The following JAK2 variants were observed in gnomAD, a reference collection of about 807,000 sequenced individuals.
The protein encoded by JAK2 is Janus kinase 2, also known as tyrosine-protein kinase JAK2.
In JAK2, 86 loss-of-function variants were observed where a neutral mutation model predicts 139.3. The observed-to-expected ratio is 0.62, with a 90% CI of 0.52 to 0.74. The LOEUF (loss-of-function observed/expected upper bound fraction) is 0.74. JAK2 is among the 30% of genes least tolerant of loss of function. The pLI is 0.00. For synonymous variants in JAK2, 490 were observed against 437.7 expected (o/e 1.12, Z -1.49); for missense variants, 1,421 against 1,360.3 (o/e 1.04, Z -0.70).
chr9:5,030,946 T>G (rs944590992), intron 4 of JAK2, among the ~76,000 whole-genome samples: 2 of 152,140 alleles, frequency 1.3e-5, no homozygotes, highest in African/African-American at 4.8e-5. Context: ...CATTCTTATA[T>G]GCAAGCAACC....
At chr9:5,033,782 A>T (rs1206041537) in intron 4 of JAK2, among the ~76,000 whole-genome samples, 2 of 152,210 alleles carry the variant, frequency 1.3e-5, no homozygotes, top group African/African-American at 4.8e-5. Context: ...GCCACTGCAA[A>T]AACACGCCAA....
In JAK2 at chr9:5,054,486, C is replaced by T; in HGVS notation, c.615-77C>T. The T allele has an allele frequency of 1.6e-6, 2 of 1,284,768 alleles. No individual in the cohort carries two copies. Among genetic ancestry groups the T allele is most frequent in the Non-Finnish European group, 2.2e-6 (2 of 925,812 alleles). The allele number at this position is 1,284,768 out of a possible 1,614,324, so 79.6% of individuals were successfully genotyped here. On this transcript the variant is annotated intron_variant, in intron 6 of 24. Transcript: ENST00000381652. This position sits in a 1 kb window ranked among gnomAD's most constrained non-coding sequence, Gnocchi z 4.9. ...ACTTAATCATGGAAAAAGGTGGTAA[C>T]TTCTTTTTCAATTTTTAGATTTATC...
chr9:5,118,329 A>T (rs1386078725), intron 22 of JAK2, among the ~76,000 whole-genome samples: 1 of 152,106 alleles, frequency 6.6e-6, no homozygotes, highest in African/African-American at 2.4e-5. Context: ...AATATGTTAC[A>T]CTTTGTATTT....
intron 4 of JAK2, among the ~76,000 whole-genome samples, chr9:5,035,479 C>A (rs1332413402): frequency 2.0e-5 from 3 of 152,150 alleles, no homozygotes; most frequent in Admixed American, 6.5e-5. Flanking sequence ...ATGCAAAAAT[C>A]CTCAACAAAA....
rs574820223 is a variant in JAK2 at position 5,030,128 on chromosome 9, G to C, written c.350+222G>C. 1.1e-4 allele frequency among the ~76,000 whole-genome samples: 16 copies of C among 152,234 alleles called. 1 individual carries two copies. The highest frequency in any genetic ancestry group is 3.6e-4 in the African/African-American group (15 of 41,552). On this transcript the variant is annotated intron_variant, in intron 4 of 24. Coordinates refer to ENST00000381652, the MANE Select transcript of JAK2 (RefSeq NM_004972.4). ...TCTGAGAATAAAGCTGTTTTGGTGG[G>C]ATGCCACTTAACTCCTTATGATTAT...
intron 3 of JAK2, among the ~76,000 whole-genome samples, chr9:5,028,807 C>T (rs939266673): frequency 2.6e-5 from 4 of 152,190 alleles, no homozygotes; most frequent in Non-Finnish European, 4.4e-5. Context: ...CCTCTCTCAG[C>T]CTTCACAGGT....
At chr9:5,015,239 G>A (rs1052895446) in intron 2 of JAK2, among the ~76,000 whole-genome samples, 2 of 152,158 alleles carry the variant, frequency 1.3e-5, no homozygotes, top group African/African-American at 2.4e-5. Flanking sequence ...GAATATTCTT[G>A]TAATGTGTCT....
intron 22 of JAK2, among the ~76,000 whole-genome samples, chr9:5,118,090 A>C (rs534786590): frequency 1.3e-5 from 2 of 152,192 alleles, no homozygotes; most frequent in Non-Finnish European, 2.9e-5. Context: ...ACTGAATCTA[A>C]ATAGTGCTTG....
rs1461611000 is a variant in JAK2 at position 5,127,614 on chromosome 9, T to A, written c.*823T>A. 1 of 231,864 alleles carries A rather than the reference T, an allele frequency of 4.3e-6. No homozygotes were observed. The highest frequency in any genetic ancestry group is 8.6e-6 in the Non-Finnish European group (1 of 116,814). The allele number at this position is 231,864 out of a possible 1,614,324, so 14.4% of individuals were successfully genotyped here. A position where few individuals can be genotyped will look rare whatever the true frequency, so the allele number is the denominator to read the frequency against. On this transcript the variant is annotated 3_prime_UTR_variant, in exon 25 of 25. Transcript: ENST00000381652. ...CTAAGACTACTATGAACAGTTTTCT[T>A]TTAAAATTTTGAGATTAAGAATGCC... is the stretch of plus-strand genomic sequence containing the variant.
chr9:5,035,933 G>A (rs1312424171), intron 4 of JAK2, among the ~76,000 whole-genome samples: 1 of 152,208 alleles, frequency 6.6e-6, no homozygotes, highest in African/African-American at 2.4e-5. Context: ...AAAAGAGGAA[G>A]TCAAATTGTC....
intron 22 of JAK2, among the ~76,000 whole-genome samples, chr9:5,106,895 G>C (rs187682346): frequency 6.6e-6 from 1 of 152,042 alleles, no homozygotes; most frequent in Non-Finnish European, 1.5e-5. Flanking sequence ...AAAGGGGCCC[G>C]GGGGAGGGAT....
chr9:5,089,874 C>G lies in JAK2; in HGVS notation c.2761+11C>G. On this transcript the variant is annotated intron_variant, in intron 20 of 24. Coordinates refer to ENST00000381652, the MANE Select transcript of JAK2 (RefSeq NM_004972.4). ...TGTGCTACAGTGCTGGTAAGCTGCC[C>G]ATTGAAACCTATTTTAAATTCAAGG... 7.0e-7 allele frequency: 1 copy of G among 1,438,558 alleles called. No homozygotes were observed. 89.1% of individuals were successfully genotyped at this position (1,438,558 alleles called of 1,614,324 possible). A position where few individuals can be genotyped will look rare whatever the true frequency, so the allele number is the denominator to read the frequency against.
At chr9:5,125,134 A>C (rs934843172) in intron 23 of JAK2, among the ~76,000 whole-genome samples, 1 of 151,326 alleles carries the variant, frequency 6.6e-6, no homozygotes, top group Non-Finnish European at 1.5e-5. Flanking sequence ...TCTCTAATGC[A>C]ATTACTCAGA....
At chr9:5,111,061 G>C (rs1458095479) in intron 22 of JAK2, 4 of 1,148,740 alleles carry the variant, frequency 3.5e-6, no homozygotes, top group Admixed American at 2.0e-5. Flanking sequence ...TTCAGGTCTT[G>C]AGAACTGGCC....
In JAK2 at chr9:5,031,136, A is replaced by G. The variant is rs551575633; in HGVS notation, c.350+1230A>G. Among the ~76,000 whole-genome samples, 458 of 152,310 alleles carry G rather than the reference A, an allele frequency of 3.0e-3. 1 individual carries two copies. The highest frequency in any genetic ancestry group is 0.011 in the African/African-American group (439 of 41,592). ...GGGAGATGGAATATTACAAAGATCAATTTCTCTTATGCTATATCCTTAGCT... is the reference window on the plus strand; with the variant it reads ...GGGAGATGGAATATTACAAAGATCAGTTTCTCTTATGCTATATCCTTAGCT... On this transcript the variant is annotated intron_variant, in intron 4 of 24. Coordinates refer to ENST00000381652, the MANE Select transcript of JAK2 (RefSeq NM_004972.4).
chr9:5,120,634 A>AT (rs1420633689), intron 22 of JAK2, among the ~76,000 whole-genome samples: 1 of 152,174 alleles, frequency 6.6e-6, no homozygotes, highest in Non-Finnish European at 1.5e-5. Context: ...AGAAGTACCC[A>AT]TTGGATGATC....
Position 5,105,994 on chromosome 9 carries a change from T to C in JAK2, c.3059+15083T>C, listed in dbSNP as rs1333501793. Among the ~76,000 whole-genome samples, 7 of 88,198 alleles carry C rather than the reference T, an allele frequency of 7.9e-5. No individual in the cohort carries two copies. In the South Asian group the frequency reaches 2.1e-3, roughly 26 times the overall value. The allele number at this position is 88,198 out of a possible 152,430, so 57.9% of individuals were successfully genotyped here. A position where few individuals can be genotyped will look rare whatever the true frequency, so the allele number is the denominator to read the frequency against. On this transcript the variant is annotated intron_variant, in intron 22 of 24. Coordinates refer to ENST00000381652, the MANE Select transcript of JAK2 (RefSeq NM_004972.4). ...AGCCTAGGCAATACCATTCAGGACA[T>C]AGGTGTGGGCAAGGACTTCATGATG...
At chr9:5,036,022 CT>C (rs1823571222) in intron 4 of JAK2, among the ~76,000 whole-genome samples, 1 of 152,220 alleles carries the variant, frequency 6.6e-6, no homozygotes, top group Non-Finnish European at 1.5e-5. Flanking sequence ...TGATAAGCAA[CT>C]TCAGCAAAGT....
intron 3 of JAK2, among the ~76,000 whole-genome samples, chr9:5,026,946 T>G (rs1822820761): frequency 6.6e-6 from 1 of 152,256 alleles, no homozygotes; most frequent in African/African-American, 2.4e-5. Flanking sequence ...TAATTATTAA[T>G]GTATTGTGTA....
Sources: gnomAD v4.1 joint callset for allele counts (sites outside exome capture counted in the v4.1 genomes callset) on GRCh38, gnomAD v4.1.1 for gene constraint, Gnocchi (gnomAD v3.1) non-coding constraint, MANE v1.5 for transcripts, NCBI Gene and HGNC (gene_info 2026-07-23, HGNC 2026-07-21) for gene names.